LRRC55: variants seen among roughly 807,000 people sequenced by gnomAD.
The protein encoded by LRRC55 is leucine rich repeat containing 55.
In LRRC55, 11 loss-of-function variants were observed where a neutral mutation model predicts 20.5. The observed-to-expected ratio is 0.54, with a 90% CI of 0.34 to 0.89. LRRC55 has a LOEUF of 0.89. Among genes scored for constraint, LRRC55 ranks in the 40% least tolerant of loss-of-function variants. The probability of loss-of-function intolerance (pLI) is 0.02; values close to 1 mark genes in which losing one functional copy is unlikely to be tolerated. For missense variants in LRRC55, 358 were observed against 390.9 expected, an observed-to-expected ratio of 0.92 and a Z score of 0.71; for synonymous variants, 188 against 166.6, an observed-to-expected ratio of 1.13 and a Z score of -0.99.
chr11:57,187,573 C>T lies in LRRC55; in HGVS notation c.*93C>T. The T allele has an allele frequency of 8.2e-7, 1 of 1,219,592 alleles. No individual in the cohort carries two copies. Among genetic ancestry groups the T allele is most frequent in the Non-Finnish European group, 1.2e-6 (1 of 856,510 alleles). The allele number at this position is 1,219,592 out of a possible 1,614,324, so 75.5% of individuals were successfully genotyped here. A position where few individuals can be genotyped will look rare whatever the true frequency, so the allele number is the denominator to read the frequency against. ...ACTGCTCACTCTGGTTCCATGGTGA[C>T]CTGGCTGCCTCAGTCATGGTTCAAG... On this transcript the variant is annotated 3_prime_UTR_variant, in exon 2 of 2. Coordinates refer to ENST00000497933, the MANE Select transcript of LRRC55 (RefSeq NM_001005210.4).
rs1008852452 is a variant in LRRC55, at chr11:57,190,367, G to A, written c.*2887G>A. The A allele has an allele frequency of 6.6e-6, 1 of 152,156 alleles. No homozygotes were observed. The highest frequency in any genetic ancestry group is 1.5e-5 in the Non-Finnish European group (1 of 68,036). The allele number at this position is 152,156 out of a possible 1,614,324, so 9.4% of individuals were successfully genotyped here. On this transcript the variant is annotated 3_prime_UTR_variant, in exon 2 of 2. Transcript: ENST00000497933. ...TTCTCCTGCTGCTAGAAGTTCCTCAGTTTACTAGAGCACAATGAGGAAAGT... is the reference window on the plus strand; with the variant it reads ...TTCTCCTGCTGCTAGAAGTTCCTCAATTTACTAGAGCACAATGAGGAAAGT...
At position 57,182,744 on chromosome 11, in the gene LRRC55, G is replaced by C. The variant is rs2860315; in HGVS notation, c.661+61G>C. ...GGGCTTGCCTCAATGGGAAGCAAAGGCTCCAAAGAAAGCGGGGGAACTTAG... is the reference window on the plus strand; with the variant it reads ...GGGCTTGCCTCAATGGGAAGCAAAGCCTCCAAAGAAAGCGGGGGAACTTAG... On this transcript the variant is annotated intron_variant, in intron 1 of 1. Transcript: ENST00000497933. 651 of 1,396,182 alleles carry C rather than the reference G, an allele frequency of 4.7e-4. 4 individuals carry two copies. The African/African-American group carries it at 8.8e-3, about 19-fold the overall frequency. 86.5% of individuals were successfully genotyped at this position (1,396,182 alleles called of 1,614,324 possible).
intron 1 of LRRC55, among the ~76,000 whole-genome samples, chr11:57,182,971 G>T (rs927796101): frequency 6.6e-6 from 1 of 152,164 alleles, no homozygotes; most frequent in Non-Finnish European, 1.5e-5. Context: ...ATAGCCTATG[G>T]TTGGTGGTTT....
rs940220647 is a variant in LRRC55, at chr11:57,191,377, T to C, written c.*3897T>C. ...GACTAAAAAGATATATCTTAACCCA[T>C]TCCTCAAAAGGACATCTTCCTAAAG... On this transcript the variant is annotated 3_prime_UTR_variant, in exon 2 of 2. Coordinates refer to ENST00000497933, the MANE Select transcript of LRRC55 (RefSeq NM_001005210.4). 1 of 152,116 alleles carries C rather than the reference T, an allele frequency of 6.6e-6. No homozygotes were observed. Among genetic ancestry groups the C allele is most frequent in the African/African-American group, 2.4e-5 (1 of 41,422 alleles). The allele number at this position is 152,116 out of a possible 1,614,324, so 9.4% of individuals were successfully genotyped here.
Position 57,182,180 on chromosome 11 carries a change from G to T in LRRC55, c.158G>T (p.Ser53Ile). The T allele has an allele frequency of 6.2e-7, 1 of 1,614,156 alleles. No homozygotes were observed. Among genetic ancestry groups the T allele is most frequent in the East Asian group, 2.2e-5 (1 of 44,870 alleles). Residue 53 changes from serine (S) to isoleucine (I), a missense_variant, in exon 1 of 2, where the codon AGC becomes ATC. This residue lies in a region of LRRC55 where 175 missense variants were observed against 164.5 expected (regional missense o/e 1.06). Transcript: ENST00000497933. ...TCRNQVVDCS[S>I]QRLFSVPPDL... ...CGTAACCAGGTGGTGGATTGTAGCA[G>T]CCAGCGGCTATTCTCCGTGCCCCCA...
At chr11:57,185,379 C>G (rs1284731308) in intron 1 of LRRC55, among the ~76,000 whole-genome samples, 1 of 143,320 alleles carries the variant, frequency 7.0e-6, no homozygotes, top group African/African-American at 2.6e-5. Flanking sequence ...CTCCCAGGTT[C>G]AAGCAATTCT....
Position 57,181,995 on chromosome 11 carries a change from C to T in LRRC55, c.-28C>T, listed in dbSNP as rs781474877. 1.2e-6 allele frequency: 2 copies of T among 1,614,204 alleles called. No individual in the cohort carries two copies. The highest frequency in any genetic ancestry group is 2.2e-5 in the South Asian group (2 of 91,084). Reference sequence around the variant, plus strand: ...TGGACACAGTCCTCATGGGCTCCCTCCAGCACTGCTGTTGCCTGCTGCCTA... The same window carrying T: ...TGGACACAGTCCTCATGGGCTCCCTTCAGCACTGCTGTTGCCTGCTGCCTA... On this transcript the variant is annotated 5_prime_UTR_variant, in exon 1 of 2. Coordinates refer to ENST00000497933, the MANE Select transcript of LRRC55 (RefSeq NM_001005210.4).
rs1227662119 is a variant in LRRC55 at position 57,188,843 on chromosome 11, C to G, written c.*1363C>G. On this transcript the variant is annotated 3_prime_UTR_variant, in exon 2 of 2. Transcript: ENST00000497933. ...ATCTATTGACTCACTTCTTTCAATT[C>G]TCACAGCAACACTGCCTGGTGGTTT... 6.6e-6 allele frequency: 1 copy of G among 152,226 alleles called. No individual in the cohort carries two copies. The highest frequency in any genetic ancestry group is 1.5e-5 in the Non-Finnish European group (1 of 68,042). The allele number at this position is 152,226 out of a possible 1,614,324, so 9.4% of individuals were successfully genotyped here.
chr11:57,183,170 G>T (rs141036872), intron 1 of LRRC55, among the ~76,000 whole-genome samples: 364 of 152,290 alleles, frequency 2.4e-3, no homozygotes, highest in African/African-American at 8.2e-3. Context: ...AAAAGTGGCA[G>T]GACCATGAAT....
rs1470544563 is a variant in LRRC55, at chr11:57,187,570, T to C, written c.*90T>C. 1.6e-6 allele frequency: 2 copies of C among 1,240,272 alleles called. No individual in the cohort carries two copies. Among genetic ancestry groups the C allele is most frequent in the East Asian group, 2.5e-5 (1 of 39,790 alleles). 76.8% of individuals were successfully genotyped at this position (1,240,272 alleles called of 1,614,324 possible). A position where few individuals can be genotyped will look rare whatever the true frequency, so the allele number is the denominator to read the frequency against. On this transcript the variant is annotated 3_prime_UTR_variant, in exon 2 of 2. Transcript: ENST00000497933. ...CTGACTGCTCACTCTGGTTCCATGGTGACCTGGCTGCCTCAGTCATGGTTC... is the reference window on the plus strand; with the variant it reads ...CTGACTGCTCACTCTGGTTCCATGGCGACCTGGCTGCCTCAGTCATGGTTC...
chr11:57,188,374 A>C lies in LRRC55; in HGVS notation c.*894A>C, dbSNP rs1282130835. The C allele has an allele frequency of 2.0e-5, 3 of 152,728 alleles. No homozygotes were observed. The allele number at this position is 152,728 out of a possible 1,614,324, so 9.5% of individuals were successfully genotyped here. On this transcript the variant is annotated 3_prime_UTR_variant, in exon 2 of 2. Transcript: ENST00000497933. ...CCACAGGGTCTCACCAGGAAAGTGC[A>C]CTGTGGGCCACAGACCCACAGCCTG...
Position 57,190,889 on chromosome 11 carries a change from AAAG to A in LRRC55, c.*3413_*3415del, listed in dbSNP as rs1364723604. 2 of 152,348 alleles carry A rather than the reference AAAG, an allele frequency of 1.3e-5. No individual in the cohort carries two copies. Among genetic ancestry groups the A allele is most frequent in the East Asian group, 1.9e-4 (1 of 5,186 alleles). The allele number at this position is 152,348 out of a possible 1,614,324, so 9.4% of individuals were successfully genotyped here. On this transcript the variant is annotated 3_prime_UTR_variant, in exon 2 of 2. Transcript: ENST00000497933. ...GGGTAGGACTGGATGCTCAAAAAATAAAGAAGGAGAAAAATCTGTGGCAGAGGC... is the reference window on the plus strand; with the variant it reads ...GGGTAGGACTGGATGCTCAAAAAATAAAGGAGAAAAATCTGTGGCAGAGGC...
Position 57,182,063 on chromosome 11 carries a change from C to T in LRRC55, c.41C>T (p.Pro14Leu). 1 of 1,614,174 alleles carries T rather than the reference C, an allele frequency of 6.2e-7. No homozygotes were observed. The highest frequency in any genetic ancestry group is 8.5e-7 in the Non-Finnish European group (1 of 1,180,026). ...GCCCAGCTTCCCTGGCCCGGGCCAC[C>T]CCACCCAGCAATGCTGCTGATCTCC... ...TWAQLPWPGPPHPAMLLISLL... is the reference protein window; with the variant it reads ...TWAQLPWPGPLHPAMLLISLL... Residue 14 changes from proline to leucine, a missense_variant, in exon 1 of 2, where the codon CCC becomes CTC. By Grantham distance (98) the Pro-to-Leu change is moderately conservative (BLOSUM62 -3). Transcript: ENST00000497933.
chr11:57,185,357 T>A (rs1357504729), intron 1 of LRRC55, among the ~76,000 whole-genome samples: 1 of 131,546 alleles, frequency 7.6e-6, no homozygotes, highest in East Asian at 2.5e-4. Context: ...CTCAGCTCAC[T>A]GCAACCTCCA....
At chr11:57,185,406 G>A (rs1349603540) in intron 1 of LRRC55, among the ~76,000 whole-genome samples, 22 of 148,472 alleles carry the variant, frequency 1.5e-4, no homozygotes, top group Non-Finnish European at 2.1e-4. Context: ...TCAGCCTCCC[G>A]AGTAGCTGAG....
rs200954246 is a variant in LRRC55 at position 57,182,279 on chromosome 11, C to A, written c.257C>A (p.Thr86Lys). 3.1e-6 allele frequency: 5 copies of A among 1,614,230 alleles called. No homozygotes were observed. Among genetic ancestry groups the A allele is most frequent in the Admixed American group, 1.7e-5 (1 of 60,036 alleles). ...RITAVPPGYL[T>K]CYMELQVLDL... ...ACAGCAGTGCCGCCTGGCTACCTCA[C>A]ATGCTACATGGAGCTCCAGGTGCTG... Residue 86 changes from threonine to lysine, a missense_variant, in exon 1 of 2, where the codon ACA becomes AAA. Thr to Lys is a moderately conservative substitution (Grantham distance 78). Around this residue, in one of 3 missense-constraint regions of LRRC55, gnomAD observed 175 missense variants for 164.5 expected, o/e 1.06. Transcript: ENST00000497933.
At position 57,190,126 on chromosome 11, in the gene LRRC55, G is replaced by A. The variant is rs753148171; in HGVS notation, c.*2646G>A. ...TGACAAAATAGAAAAGTTTCCCATAGGGGCATACCATAATACTATAATAAC... is the reference window on the plus strand; with the variant it reads ...TGACAAAATAGAAAAGTTTCCCATAAGGGCATACCATAATACTATAATAAC... On this transcript the variant is annotated 3_prime_UTR_variant, in exon 2 of 2. Transcript: ENST00000497933. 1.3e-5 allele frequency: 2 copies of A among 152,144 alleles called. No homozygotes were observed. The highest frequency in any genetic ancestry group is 2.9e-5 in the Non-Finnish European group (2 of 68,032). 9.4% of individuals were successfully genotyped at this position (152,144 alleles called of 1,614,324 possible).
rs1854486408 is a variant in LRRC55, at chr11:57,189,923, G to A, written c.*2443G>A. ...CTAGACCTGAAGTACTTGAACCTGT[G>A]TCCCCTGAATCTTTCTTACAACATC... On this transcript the variant is annotated 3_prime_UTR_variant, in exon 2 of 2. Coordinates refer to ENST00000497933, the MANE Select transcript of LRRC55 (RefSeq NM_001005210.4). 1 of 152,224 alleles carries A rather than the reference G, an allele frequency of 6.6e-6. No homozygotes were observed. Among genetic ancestry groups the A allele is most frequent in the South Asian group, 2.1e-4 (1 of 4,826 alleles). The allele number at this position is 152,224 out of a possible 1,614,324, so 9.4% of individuals were successfully genotyped here.
At chr11:57,184,306 A>T (rs913630959) in intron 1 of LRRC55, among the ~76,000 whole-genome samples, 1 of 151,954 alleles carries the variant, frequency 6.6e-6, no homozygotes, top group Non-Finnish European at 1.5e-5. Context: ...ACACCCAGGG[A>T]CTCCTTTTCT....
Sources: gnomAD v4.1 joint callset for allele counts (sites outside exome capture counted in the v4.1 genomes callset) on GRCh38, gnomAD v4.1.1 for gene constraint, gnomAD v4.1.1 regional missense constraint, MANE v1.5 for transcripts, NCBI Gene and HGNC (gene_info 2026-07-23, HGNC 2026-07-21) for gene names.